NRXN3: variants seen among roughly 807,000 people sequenced by gnomAD.
NRXN3 encodes the protein neurexin 3, also known as neurexin III.
NRXN3 carries 32 observed loss-of-function variants against 137.6 expected under a neutral mutation model. The ratio of observed to expected loss-of-function variants is 0.23; its 90% CI spans 0.18 to 0.31. NRXN3 has a LOEUF of 0.31. Ranked by LOEUF, NRXN3 falls within the 10% of genes least tolerant of loss-of-function variation. The probability of loss-of-function intolerance (pLI) is 1.00; values close to 1 mark genes in which losing one functional copy is unlikely to be tolerated. For missense variants in NRXN3, 1,574 were observed against 2,062.5 expected (o/e 0.76, Z 4.59); for synonymous variants, 798 against 784.5 (o/e 1.02, Z -0.29).
chr14:79,592,977 TA>T (rs2097821392), intron 16 of NRXN3, among the ~76,000 whole-genome samples: 1 of 152,190 alleles, frequency 6.6e-6, no homozygotes, highest in Non-Finnish European at 1.5e-5. Context: ...TCAAGTACTT[TA>T]ACTTTCTGGT....
intron 4 of NRXN3, among the ~76,000 whole-genome samples, chr14:78,494,739 T>G (rs139132847): frequency 6.6e-6 from 1 of 152,176 alleles, no homozygotes; most frequent in Non-Finnish European, 1.5e-5. Context: ...ATGAAGTACA[T>G]GAATAAATCG....
chr14:78,867,798 T>G (rs532900556), intron 10 of NRXN3, among the ~76,000 whole-genome samples: 1 of 152,068 alleles, frequency 6.6e-6, no homozygotes, highest in African/African-American at 2.4e-5. Context: ...TGCACGACTG[T>G]CCACTCTTTA....
intron 3 of NRXN3, among the ~76,000 whole-genome samples, chr14:78,279,394 A>G (rs2074084275): frequency 2.6e-5 from 4 of 152,242 alleles, no homozygotes; most frequent in Non-Finnish European, 5.9e-5. Context: ...GCATTTATGG[A>G]TAAGTGTCAG....
At chr14:78,236,738 C>CG (rs1262241996) in intron 1 of NRXN3, among the ~76,000 whole-genome samples, 3 of 146,586 alleles carry the variant, frequency 2.0e-5, no homozygotes, top group South Asian at 2.4e-4. Context: ...TTCCCCCCCC[C>CG]CTTTTTTTTG....
intron 20 of NRXN3, among the ~76,000 whole-genome samples, chr14:79,855,841 T>C (rs2099401452): frequency 6.6e-6 from 1 of 152,198 alleles, no homozygotes; most frequent in African/African-American, 2.4e-5. Flanking sequence ...TTTGCATTGA[T>C]GGTTTGAGGT....
At chr14:79,618,556 C>G (rs1219436791) in intron 16 of NRXN3, among the ~76,000 whole-genome samples, 2 of 152,048 alleles carry the variant, frequency 1.3e-5, no homozygotes, top group Non-Finnish European at 2.9e-5. Flanking sequence ...GTGTAGTATT[C>G]CATGGTGTAC....
intron 15 of NRXN3, among the ~76,000 whole-genome samples, chr14:79,383,076 T>C (rs187092148): frequency 3.3e-4 from 50 of 152,260 alleles, no homozygotes; most frequent in African/African-American, 1.1e-3. Flanking sequence ...CTGAGTTCTG[T>C]AGATTTTGGC....
intron 4 of NRXN3, among the ~76,000 whole-genome samples, chr14:78,464,025 C>T (rs921329423): frequency 1.3e-5 from 2 of 148,272 alleles, no homozygotes; most frequent in East Asian, 2.0e-4. Flanking sequence ...CTTGAAAAGG[C>T]GAGTTTTATT....
chr14:78,753,085 C>T (rs1186472783), intron 8 of NRXN3, among the ~76,000 whole-genome samples: 5 of 152,146 alleles, frequency 3.3e-5, no homozygotes, highest in Admixed American at 6.5e-5. Flanking sequence ...CACACACCCA[C>T]GTTACACAGT....
chr14:79,345,234 C>T (rs2153373478), intron 15 of NRXN3, among the ~76,000 whole-genome samples: 2 of 152,224 alleles, frequency 1.3e-5, no homozygotes, highest in Middle Eastern at 6.8e-3. Flanking sequence ...AGAGATTGAA[C>T]ACCCTTTCGT....
chr14:78,687,916 C>G (rs1271359976), intron 6 of NRXN3, among the ~76,000 whole-genome samples: 2 of 152,180 alleles, frequency 1.3e-5, no homozygotes, highest in East Asian at 3.9e-4. Flanking sequence ...GACAGCAACA[C>G]CAATGACTCT....
At chr14:78,546,859 A>G (rs2096640812) in intron 4 of NRXN3, among the ~76,000 whole-genome samples, 2 of 152,178 alleles carry the variant, frequency 1.3e-5, no homozygotes, top group African/African-American at 2.4e-5. Flanking sequence ...ACTTGAGGAA[A>G]ATGAGGCACA....
chr14:78,903,040 C>T (rs1427436016), intron 10 of NRXN3, among the ~76,000 whole-genome samples: 1 of 151,820 alleles, frequency 6.6e-6, no homozygotes, highest in East Asian at 1.9e-4. Flanking sequence ...TCAACTCCTG[C>T]TCTCCACAAG....
At position 79,849,981 on chromosome 14, in the gene NRXN3, C is replaced by T. The variant is rs79538461; in HGVS notation, c.4094-11361C>T. Among the ~76,000 whole-genome samples the T allele has an allele frequency of 2.0e-3, 298 of 152,292 alleles. 12 individuals are homozygous for T. The East Asian group carries it at 0.04, about 21-fold the overall frequency. ...CTTCCATGTCCATGTACAGGGTTCTCTACTTTCGTTCTAAGTCAAACTGTG... is the reference window on the plus strand; with the variant it reads ...CTTCCATGTCCATGTACAGGGTTCTTTACTTTCGTTCTAAGTCAAACTGTG... On this transcript the variant is annotated intron_variant, in intron 20 of 20. Transcript: ENST00000335750.
chr14:78,893,077 T>G (rs2099163885), intron 10 of NRXN3, among the ~76,000 whole-genome samples: 1 of 151,852 alleles, frequency 6.6e-6, no homozygotes, highest in Non-Finnish European at 1.5e-5. Context: ...TGCCCAGCAT[T>G]GTGGGCACCT....
At chr14:79,343,162 G>A (rs1225797263) in intron 15 of NRXN3, among the ~76,000 whole-genome samples, 3 of 152,140 alleles carry the variant, frequency 2.0e-5, no homozygotes, top group African/African-American at 7.2e-5. Flanking sequence ...AGTTTAGGGA[G>A]CATCACAGTC....
intron 10 of NRXN3, among the ~76,000 whole-genome samples, chr14:78,869,442 T>C (rs888798379): frequency 5.3e-5 from 8 of 152,132 alleles, no homozygotes; most frequent in East Asian, 1.9e-4. Flanking sequence ...TTCAAAGTCT[T>C]CTAGTTGCCT....
At chr14:78,402,745 CT>C (rs1293021305) in intron 4 of NRXN3, among the ~76,000 whole-genome samples, 3 of 152,188 alleles carry the variant, frequency 2.0e-5, no homozygotes, top group Non-Finnish European at 4.4e-5. Flanking sequence ...CTAACATCAC[CT>C]GTGCTCATTT....
chr14:79,683,956 G>A (rs1028074119), intron 17 of NRXN3, among the ~76,000 whole-genome samples: 8 of 152,130 alleles, frequency 5.3e-5, no homozygotes, highest in African/African-American at 1.9e-4. Context: ...ACTAAGTCCA[G>A]CCCACAATCA....
Sources: gnomAD v4.1 joint callset for allele counts (sites outside exome capture counted in the v4.1 genomes callset) on GRCh38, gnomAD v4.1.1 for gene constraint, MANE v1.5 for transcripts, NCBI Gene and HGNC (gene_info 2026-07-23, HGNC 2026-07-21) for gene names.